OSBPL6: variants seen among roughly 807,000 people sequenced by gnomAD.
The protein encoded by OSBPL6 is oxysterol-binding protein-related protein 6.
A neutral mutation model predicts 125.8 loss-of-function variants in OSBPL6; 49 were observed. The ratio of observed to expected loss-of-function variants is 0.39; its 90% confidence interval spans 0.31 to 0.49. The LOEUF (loss-of-function observed/expected upper bound fraction) is 0.49. Ranked by LOEUF, OSBPL6 falls within the 20% of genes least tolerant of loss-of-function variation. The probability of loss-of-function intolerance (pLI) is 0.88; values close to 1 mark genes in which losing one functional copy is unlikely to be tolerated. For synonymous variants in OSBPL6, 394 were observed against 391.8 expected (o/e 1.01, Z -0.07); for missense variants, 986 against 1,135.4 (o/e 0.87, Z 1.89).
At chr2:178,256,588 A>C (rs964780887) in intron 1 of OSBPL6, among the ~76,000 whole-genome samples, 1 of 152,218 alleles carries the variant, frequency 6.6e-6, no homozygotes, top group East Asian at 1.9e-4. Flanking sequence ...AGGCAGGCTG[A>C]GGAGTTCACC....
intron 1 of OSBPL6, among the ~76,000 whole-genome samples, chr2:178,209,457 T>C (rs2089730032): frequency 6.7e-6 from 1 of 149,424 alleles, no homozygotes; most frequent in African/African-American, 2.5e-5. Context: ...TTTTTTTTTT[T>C]TTAGCATCCC....
chr2:178,358,496 G>GAA (rs201527538), intron 12 of OSBPL6, among the ~76,000 whole-genome samples: 1 of 152,082 alleles, frequency 6.6e-6, no homozygotes, highest in Non-Finnish European at 1.5e-5. Context: ...GGCACAATGA[G>GAA]AAAAGGATAG....
intron 17 of OSBPL6, 30 bp from the exon 18 acceptor site, chr2:178,384,009 A>G: frequency 1.2e-6 from 2 of 1,610,340 alleles, no homozygotes; most frequent in Non-Finnish European, 1.7e-6. Flanking sequence ...TCTCTCCTAT[A>G]TTATTCCCTT....
chr2:178,233,792 T>C (rs2090936252), intron 1 of OSBPL6, among the ~76,000 whole-genome samples: 1 of 152,210 alleles, frequency 6.6e-6, no homozygotes, highest in Non-Finnish European at 1.5e-5. Context: ...CATGCGTTGT[T>C]GTGAATGTTA....
At chr2:178,232,622 G>A (rs1318793588) in intron 1 of OSBPL6, among the ~76,000 whole-genome samples, 1 of 152,102 alleles carries the variant, frequency 6.6e-6, no homozygotes, top group African/African-American at 2.4e-5. Context: ...CCTTTATAGA[G>A]GAGGAAACAG....
chr2:178,199,945 A>G (rs2089149921), intron 1 of OSBPL6, among the ~76,000 whole-genome samples: 1 of 152,048 alleles, frequency 6.6e-6, no homozygotes, highest in South Asian at 2.1e-4. Flanking sequence ...AGTGTCCATT[A>G]TTGGGTAGCT....
At chr2:178,216,567 A>C (rs978059544) in intron 1 of OSBPL6, among the ~76,000 whole-genome samples, 6 of 152,204 alleles carry the variant, frequency 3.9e-5, no homozygotes, top group Non-Finnish European at 8.8e-5. Context: ...GGAATGTAGG[A>C]ACTAGAATAA....
intron 1 of OSBPL6, among the ~76,000 whole-genome samples, chr2:178,206,924 TTTTG>T (rs1211685954): frequency 2.6e-5 from 4 of 151,810 alleles, no homozygotes; most frequent in African/African-American, 4.8e-5. Flanking sequence ...CTGTTGTTGT[TTTTG>T]TTTGTTTGTT....
intron 2 of OSBPL6, 87 bp downstream of exon 2, chr2:178,285,208 C>T (rs556358309): frequency 2.5e-6 from 1 of 395,566 alleles, no homozygotes; most frequent in Non-Finnish European, 4.5e-6. Flanking sequence ...TGGGACACCA[C>T]AAAGTCACAG....
intron 1 of OSBPL6, among the ~76,000 whole-genome samples, chr2:178,273,441 A>G (rs1035281175): frequency 8.6e-5 from 13 of 151,982 alleles, no homozygotes; most frequent in African/African-American, 3.1e-4. Flanking sequence ...ATAGCCAGGC[A>G]TGGTGGTGCA....
rs1159476744 is a variant in OSBPL6, at chr2:178,395,489, C to T, written c.2735C>T (p.Ser912Phe). ...GCCAATCAAAGAGAAGCCTGGGTTT[C>T]TAACGACACCTACTGGGAGCTTCGA... Reference protein sequence around the residue: ...IDANQREAWVSNDTYWELRKD... With the variant: ...IDANQREAWVFNDTYWELRKD... Residue 912 changes from serine (S) to phenylalanine (F), a missense_variant, in exon 25 of 25, where the codon TCT becomes TTT. Ser to Phe is a radical substitution (Grantham distance 155). Transcript: ENST00000190611. The T allele has an allele frequency of 1.2e-6, 2 of 1,613,760 alleles. No homozygotes were observed. The highest frequency in any genetic ancestry group is 2.7e-5 in the African/African-American group (2 of 75,006).
intron 3 of OSBPL6, among the ~76,000 whole-genome samples, chr2:178,322,962 T>G (rs1688375886): frequency 6.6e-6 from 1 of 151,788 alleles, no homozygotes; most frequent in South Asian, 2.1e-4. Context: ...TTGTAGTCTT[T>G]ACAGTAGGGA....
At chr2:178,255,312 A>G (rs1464160091) in intron 1 of OSBPL6, among the ~76,000 whole-genome samples, 1 of 152,100 alleles carries the variant, frequency 6.6e-6, no homozygotes, top group East Asian at 1.9e-4. Context: ...CGTCTCAAAA[A>G]CAAAAAACAA....
intron 15 of OSBPL6, among the ~76,000 whole-genome samples, chr2:178,375,400 T>C (rs922563883): frequency 1.3e-5 from 2 of 151,930 alleles, no homozygotes; most frequent in Admixed American, 1.3e-4. Flanking sequence ...ATCCTTCTTT[T>C]TTTGTTGTTG....
chr2:178,328,522 C>G (rs1688902123), intron 5 of OSBPL6, 144 bp downstream of exon 5: 1 of 966,462 alleles, frequency 1.0e-6, no homozygotes, highest in East Asian at 2.9e-5. Context: ...GATTCTCACT[C>G]TGTTACCCAA....
At chr2:178,214,979 G>A (rs1279441703) in intron 1 of OSBPL6, among the ~76,000 whole-genome samples, 1 of 151,888 alleles carries the variant, frequency 6.6e-6, no homozygotes, top group Non-Finnish European at 1.5e-5. Flanking sequence ...TTACGGCAAT[G>A]CCTGGATTAG....
intron 1 of OSBPL6, among the ~76,000 whole-genome samples, chr2:178,216,494 C>T (rs1019558645): frequency 6.6e-6 from 1 of 152,140 alleles, no homozygotes; most frequent in Middle Eastern, 3.4e-3. Context: ...AATAAATAAG[C>T]GGAGGTGAGA....
At chr2:178,314,444 C>T (rs993470492) in intron 3 of OSBPL6, among the ~76,000 whole-genome samples, 1 of 152,194 alleles carries the variant, frequency 6.6e-6, no homozygotes, top group African/African-American at 2.4e-5. Context: ...AGTGTCCTCT[C>T]TGGAGTGCTA....
At chr2:178,218,144 C>T (rs562428803) in intron 1 of OSBPL6, among the ~76,000 whole-genome samples, 30 of 152,162 alleles carry the variant, frequency 2.0e-4, no homozygotes, top group African/African-American at 6.7e-4. Context: ...TTTCCTTTTT[C>T]TTTGACCAGA....
Sources: gnomAD v4.1 joint callset for allele counts (sites outside exome capture counted in the v4.1 genomes callset) on GRCh38, gnomAD v4.1.1 for gene constraint, MANE v1.5 for transcripts, NCBI Gene and HGNC (gene_info 2026-07-23, HGNC 2026-07-21) for gene names.